Variants in SLC66A2 observed in about 807,000 individuals in gnomAD.
The protein encoded by SLC66A2 is solute carrier family 66 member 2.
Under a neutral mutation model 25.5 loss-of-function variants are expected in SLC66A2, and 23 were observed. The observed-to-expected ratio is 0.90, with a 90% CI of 0.65 to 1.28. SLC66A2 has a LOEUF of 1.28. Among genes scored for constraint, SLC66A2 ranks in the 50% most tolerant of loss-of-function variants. The pLI is 0.00. For synonymous variants in SLC66A2, 193 were observed against 166.5 expected, an observed-to-expected ratio of 1.16 and a Z score of -1.23; for missense variants, 396 against 373.1, an observed-to-expected ratio of 1.06 and a Z score of -0.51.
At position 79,940,544 on chromosome 18, in the gene SLC66A2, C is replaced by T. The variant is rs376280645; in HGVS notation, c.337+2785G>A. Among the ~76,000 whole-genome samples, 26 of 151,948 alleles carry T rather than the reference C, an allele frequency of 1.7e-4. No homozygotes were observed. Among genetic ancestry groups the T allele is most frequent in the African/African-American group, 5.6e-4 (23 of 41,378 alleles). ...GCCAACAACCTTCCCTTAAAGGTGA[C>T]GCCGCTGACAGGAAGACAAGGCTGG... On this transcript the variant is annotated intron_variant, in intron 3 of 5. Transcript: ENST00000397778. The surrounding 1 kb of genome is among the most constrained non-coding windows in gnomAD (Gnocchi z 4.1).
chr18:79,905,610 G>A lies in SLC66A2; in HGVS notation c.609-1427C>T, dbSNP rs1013866586. On this transcript the variant is annotated intron_variant, in intron 5 of 5. Transcript: ENST00000397778. ...CGCCCGAGCATTGCGCGGTGACCCC[G>A]CCACCGGTCACCTTCGCCCCACGCA... Among the ~76,000 whole-genome samples, 10 of 152,230 alleles carry A rather than the reference G, an allele frequency of 6.6e-5. No homozygotes were observed. In the East Asian group the frequency reaches 1.2e-3, roughly 18 times the overall value.
At chr18:79,910,059 CCCAGCCTTCCCCACCATCTCACCAGTCT>C (rs1982819284) in intron 5 of SLC66A2, among the ~76,000 whole-genome samples, 1 of 137,072 alleles carries the variant, frequency 7.3e-6, no homozygotes, top group Non-Finnish European at 1.6e-5. Flanking sequence ...CGCCAGAGTC[CCCAGCCTTCCCCACCATCTCACCAGTCT>C]CCAACCTTCC....
At chr18:79,946,397 T>C (rs553906562) in intron 2 of SLC66A2, among the ~76,000 whole-genome samples, 23 of 152,398 alleles carry the variant, frequency 1.5e-4, no homozygotes, top group African/African-American at 5.5e-4. Flanking sequence ...CTTCCTTTAG[T>C]GATAACAGTC....
At position 79,950,920 on chromosome 18, in the gene SLC66A2, C is replaced by T; in HGVS notation, c.7G>A (p.Ala3Thr). Residue 3 changes from alanine to threonine, a missense_variant, in exon 2 of 6, where the codon GCC becomes ACC. Ala to Thr is a moderately conservative substitution (Grantham distance 58, BLOSUM62 0). Coordinates refer to ENST00000397778, the MANE Select transcript of SLC66A2 (RefSeq NM_025078.5). Reference protein sequence around the residue: MEAEGLDWLLVPL... With the variant: METEGLDWLLVPL... ...ACCAGGAGCCAGTCCAGGCCCTCGG[C>T]CTCCATCGCAGCGCCCGCCTGGCCG... 6.4e-7 allele frequency: 1 copy of T among 1,562,364 alleles called. No individual in the cohort carries two copies. Among genetic ancestry groups the T allele is most frequent in the Non-Finnish European group, 8.7e-7 (1 of 1,153,560 alleles).
At chr18:79,929,118 G>A (rs146795472) in intron 4 of SLC66A2, among the ~76,000 whole-genome samples, 1 of 152,310 alleles carries the variant, frequency 6.6e-6, no homozygotes, top group African/African-American at 2.4e-5. Context: ...CAACTAAGAG[G>A]AGCTAGAAGC....
chr18:79,948,838 G>T (rs2144991744), intron 2 of SLC66A2, among the ~76,000 whole-genome samples: 1 of 152,282 alleles, frequency 6.6e-6, no homozygotes, highest in East Asian at 1.9e-4. Context: ...GTAGCAGGTG[G>T]CCTGCCGACC....
chr18:79,936,488 C>T (rs1416208551), intron 3 of SLC66A2, among the ~76,000 whole-genome samples: 16 of 152,296 alleles, frequency 1.1e-4, no homozygotes, highest in Non-Finnish European at 7.4e-5. Context: ...TTCAGGACAT[C>T]TTCAGCACCC....
chr18:79,946,743 G>A (rs1424078579), intron 2 of SLC66A2, among the ~76,000 whole-genome samples: 1 of 152,218 alleles, frequency 6.6e-6, no homozygotes, highest in African/African-American at 2.4e-5. Context: ...CAAGGCAGGT[G>A]GATCACGAGG....
chr18:79,943,226 T>C, intron 3 of SLC66A2, 103 bp downstream of exon 3: 1 of 1,409,566 alleles, frequency 7.1e-7, no homozygotes, highest in Admixed American at 2.3e-5. Context: ...CTTGGTGAAA[T>C]GAAAGCTGCT....
chr18:79,907,738 C>T (rs1160803648), intron 5 of SLC66A2, among the ~76,000 whole-genome samples: 1 of 151,928 alleles, frequency 6.6e-6, no homozygotes, highest in East Asian at 1.9e-4. Context: ...AAGGAAACAT[C>T]TGGCAATTCC....
Position 79,904,394 on chromosome 18 carries a change from G to A in SLC66A2, c.609-211C>T, listed in dbSNP as rs948390625. Reference sequence around the variant, plus strand: ...CACCCAGTCTACAGGGTGACCCAGGGGTCAGGGACACCCCAGGGGGCCAAA... The same window carrying A: ...CACCCAGTCTACAGGGTGACCCAGGAGTCAGGGACACCCCAGGGGGCCAAA... On this transcript the variant is annotated intron_variant, in intron 5 of 5. Coordinates refer to ENST00000397778, the MANE Select transcript of SLC66A2 (RefSeq NM_025078.5). This position sits in a 1 kb window ranked among gnomAD's most constrained non-coding sequence, Gnocchi z 6.3. Among the ~76,000 whole-genome samples the A allele has an allele frequency of 6.6e-6, 1 of 151,972 alleles. No individual in the cohort carries two copies. The highest frequency in any genetic ancestry group is 1.5e-5 in the Non-Finnish European group (1 of 67,884).
intron 3 of SLC66A2, chr18:79,935,554 T>G (rs1051621114): frequency 1.3e-5 from 2 of 152,202 alleles, no homozygotes; most frequent in African/African-American, 2.4e-5. Flanking sequence ...CTTCTCCCCT[T>G]GATCATGGGT....
intron 5 of SLC66A2, among the ~76,000 whole-genome samples, chr18:79,909,271 C>T (rs116686121): frequency 9.3e-4 from 141 of 152,298 alleles, no homozygotes; most frequent in African/African-American, 3.3e-3. Context: ...AAGACTGGGA[C>T]TTGAGCAGTC....
chr18:79,903,636 C>CT lies in SLC66A2; in HGVS notation c.*339dup, dbSNP rs1981563281. ...CGCGGCTGCTGGCCCGTGTGTCCAC[C>CT]TGGAGCAGGTTCCTGCAGGCCGCCC... On this transcript the variant is annotated 3_prime_UTR_variant, in exon 6 of 6. Coordinates refer to ENST00000397778, the MANE Select transcript of SLC66A2 (RefSeq NM_025078.5). 3.0e-6 allele frequency: 1 copy of CT among 335,426 alleles called. No individual in the cohort carries two copies. The highest frequency in any genetic ancestry group is 2.2e-5 in the African/African-American group (1 of 45,312). The allele number at this position is 335,426 out of a possible 1,614,324, so 20.8% of individuals were successfully genotyped here.
chr18:79,912,465 T>C lies in SLC66A2; in HGVS notation c.608+6719A>G, dbSNP rs775635643. 1.6e-4 allele frequency among the ~76,000 whole-genome samples: 25 copies of C among 152,244 alleles called. 1 individual carries two copies. Among genetic ancestry groups the C allele is most frequent in the Non-Finnish European group, 1.2e-4 (8 of 68,008 alleles). On this transcript the variant is annotated intron_variant, in intron 5 of 5. Transcript: ENST00000397778. ...ATGGATGAACCCTGAGAATACGAAG[T>C]GCAGGGAAAGACGCCAAGCACAAGG...
At chr18:79,922,807 G>C (rs1985410158) in intron 4 of SLC66A2, among the ~76,000 whole-genome samples, 2 of 144,282 alleles carry the variant, frequency 1.4e-5, no homozygotes, top group African/African-American at 5.2e-5. Context: ...GGTTGGGGGT[G>C]CTGAGGGGTG....
Position 79,941,658 on chromosome 18 carries a change from G to C in SLC66A2, c.337+1671C>G, listed in dbSNP as rs1315431172. 1 of 152,210 alleles carries C rather than the reference G, an allele frequency of 6.6e-6. No individual in the cohort carries two copies. 9.4% of individuals were successfully genotyped at this position (152,210 alleles called of 1,614,324 possible). Reference sequence around the variant, plus strand: ...ACCTGCTGGTAAAATGAATGCAGGTGGGGAGCTTACGATGCCGCTTCTAGG... The same window carrying C: ...ACCTGCTGGTAAAATGAATGCAGGTCGGGAGCTTACGATGCCGCTTCTAGG... On this transcript the variant is annotated intron_variant, in intron 3 of 5. Coordinates refer to ENST00000397778, the MANE Select transcript of SLC66A2 (RefSeq NM_025078.5). This position sits in a 1 kb window ranked among gnomAD's most constrained non-coding sequence, Gnocchi z 4.1.
Position 79,951,623 on chromosome 18 carries a change from C to G in SLC66A2, c.-142G>C, listed in dbSNP as rs1230711512. On this transcript the variant is annotated 5_prime_UTR_variant, in exon 1 of 6. Transcript: ENST00000397778. ...CGCCCAGCGCCCCGCGTCCCCGCGC[C>G]GCTGACCCGCGCGCGTCTCGGCGTC... 1 of 151,586 alleles carries G rather than the reference C, an allele frequency of 6.6e-6. No homozygotes were observed. The highest frequency in any genetic ancestry group is 2.4e-5 in the African/African-American group (1 of 41,294). The allele number at this position is 151,586 out of a possible 1,614,324, so 9.4% of individuals were successfully genotyped here. A position where few individuals can be genotyped will look rare whatever the true frequency, so the allele number is the denominator to read the frequency against.
At chr18:79,919,129 A>T in intron 5 of SLC66A2, 55 bp downstream of exon 5, 2 of 1,476,444 alleles carry the variant, frequency 1.4e-6, no homozygotes, top group Admixed American at 3.4e-5. Flanking sequence ...CCAAATCTGC[A>T]GCCATGTGGT....
Sources: gnomAD v4.1 joint callset for allele counts (sites outside exome capture counted in the v4.1 genomes callset) on GRCh38, gnomAD v4.1.1 for gene constraint, Gnocchi (gnomAD v3.1) non-coding constraint, MANE v1.5 for transcripts, NCBI Gene and HGNC (gene_info 2026-07-23, HGNC 2026-07-21) for gene names.